GLRA3: variants seen among roughly 807,000 people sequenced by gnomAD.
GLRA3 encodes the protein glycine receptor subunit alpha-3.
In GLRA3, 44 loss-of-function variants were observed where a neutral mutation model predicts 60.4. That is an observed-to-expected ratio of 0.73 (90% CI 0.57 to 0.94). The LOEUF is 0.94. GLRA3 is among the 40% of genes least tolerant of loss of function. The probability of loss-of-function intolerance (pLI) is 0.00; values close to 1 mark genes in which losing one functional copy is unlikely to be tolerated. For missense variants in GLRA3, 508 were observed against 564.6 expected, an observed-to-expected ratio of 0.90 and a Z score of 1.02; for synonymous variants, 223 against 192.9, an observed-to-expected ratio of 1.16 and a Z score of -1.29.
At chr4:174,755,757 T>C (rs1248057382) in intron 3 of GLRA3, among the ~76,000 whole-genome samples, 1 of 152,042 alleles carries the variant, frequency 6.6e-6, no homozygotes, top group African/African-American at 2.4e-5. Flanking sequence ...GAATATACAG[T>C]ATAGTAATTT....
chr4:174,784,926 A>T (rs1739060155), intron 2 of GLRA3, among the ~76,000 whole-genome samples: 1 of 152,112 alleles, frequency 6.6e-6, no homozygotes, highest in African/African-American at 2.4e-5. Flanking sequence ...ACTATTCTGG[A>T]GGGGAAGAGA....
At chr4:174,798,521 G>A (rs996455677) in intron 1 of GLRA3, among the ~76,000 whole-genome samples, 1 of 152,104 alleles carries the variant, frequency 6.6e-6, no homozygotes, top group African/African-American at 2.4e-5. Context: ...AAATCAAAGT[G>A]GCTAAGAAAA....
chr4:174,696,631 A>T (rs1468443809), intron 5 of GLRA3, among the ~76,000 whole-genome samples: 2 of 151,990 alleles, frequency 1.3e-5, no homozygotes, highest in African/African-American at 4.8e-5. Context: ...ATACAAATTT[A>T]TATCCATGAG....
intron 5 of GLRA3, among the ~76,000 whole-genome samples, chr4:174,691,772 C>T (rs1734824945): frequency 2.0e-5 from 3 of 152,154 alleles, no homozygotes; most frequent in East Asian, 1.9e-4. Context: ...CCTGCCTTGG[C>T]CTCCCAAAGT....
intron 1 of GLRA3, among the ~76,000 whole-genome samples, chr4:174,790,594 A>G (rs1181562887): frequency 6.6e-6 from 1 of 151,842 alleles, no homozygotes; most frequent in Non-Finnish European, 1.5e-5. Flanking sequence ...CCTTTCAATT[A>G]TCAGAAAATA....
chr4:174,658,452 C>T (rs905274043), intron 8 of GLRA3, among the ~76,000 whole-genome samples: 37 of 152,118 alleles, frequency 2.4e-4, no homozygotes, highest in African/African-American at 8.4e-4. Context: ...CAACTTCCTA[C>T]GGTGTCTTCA....
intron 3 of GLRA3, among the ~76,000 whole-genome samples, chr4:174,733,948 T>C (rs559422817): frequency 3.3e-4 from 50 of 152,212 alleles, no homozygotes; most frequent in Non-Finnish European, 6.6e-4. Flanking sequence ...GAAACTATTA[T>C]ATCTTTTTGA....
intron 5 of GLRA3, among the ~76,000 whole-genome samples, chr4:174,698,322 G>T (rs574557124): frequency 3.3e-5 from 5 of 152,066 alleles, no homozygotes; most frequent in African/African-American, 4.8e-5. Context: ...GGGACTACAG[G>T]CAGGTGTCAC....
chr4:174,644,109 G>C, intron 9 of GLRA3, 45 bp from the exon 10 acceptor site: 1 of 1,107,996 alleles, frequency 9.0e-7, no homozygotes, highest in Non-Finnish European at 1.3e-6. Context: ...ATACAATAGA[G>C]CATGTATAAC....
chr4:174,675,188 G>A (rs1032076981), intron 7 of GLRA3, among the ~76,000 whole-genome samples: 3 of 152,118 alleles, frequency 2.0e-5, no homozygotes, highest in African/African-American at 7.2e-5. Flanking sequence ...TGATCAGAGA[G>A]ATAGACTTTG....
chr4:174,739,436 G>T (rs540723574), intron 3 of GLRA3, among the ~76,000 whole-genome samples: 1 of 152,148 alleles, frequency 6.6e-6, no homozygotes, highest in African/African-American at 2.4e-5. Flanking sequence ...TTTTTTGTGG[G>T]CTCTGGGTAA....
intron 2 of GLRA3, among the ~76,000 whole-genome samples, chr4:174,773,303 T>C (rs988446937): frequency 3.0e-5 from 4 of 131,182 alleles, no homozygotes; most frequent in African/African-American, 1.1e-4. Flanking sequence ...CAGTAAGTTT[T>C]CGTTTAGATG....
intron 1 of GLRA3, among the ~76,000 whole-genome samples, chr4:174,822,760 A>C (rs1246501923): frequency 6.6e-6 from 1 of 152,218 alleles, no homozygotes; most frequent in Non-Finnish European, 1.5e-5. Context: ...CATCGCTTAC[A>C]TCGGAAATGC....
rs145596157 is a variant in GLRA3 at position 174,647,281 on chromosome 4, G to A, written c.1117-3217C>T. On this transcript the variant is annotated intron_variant, in intron 9 of 9. Coordinates refer to ENST00000274093, the MANE Select transcript of GLRA3 (RefSeq NM_006529.4). ...AAATTAGCCAGGTGTGGTGGTGGGC[G>A]CCTGTGGGCCCAGCTACTCTGGAGG... 7.7e-3 allele frequency among the ~76,000 whole-genome samples: 1,178 copies of A among 152,066 alleles called. 17 individuals are homozygous for A. The highest frequency in any genetic ancestry group is 0.026 in the African/African-American group (1,097 of 41,484).
intron 5 of GLRA3, among the ~76,000 whole-genome samples, chr4:174,700,760 G>T (rs1297702447): frequency 1.3e-5 from 2 of 152,140 alleles, no homozygotes; most frequent in Non-Finnish European, 2.9e-5. Context: ...TGAAGATATG[G>T]AGAAAGTTTG....
At chr4:174,806,684 G>T (rs976437273) in intron 1 of GLRA3, among the ~76,000 whole-genome samples, 2 of 152,022 alleles carry the variant, frequency 1.3e-5, no homozygotes, top group African/African-American at 2.4e-5. Context: ...ATATGGGTAG[G>T]TTATGTGGAA....
intron 2 of GLRA3, among the ~76,000 whole-genome samples, chr4:174,774,801 AG>A (rs1354273585): frequency 6.6e-6 from 1 of 152,206 alleles, no homozygotes; most frequent in Non-Finnish European, 1.5e-5. Context: ...ATTTGAATAA[AG>A]ATCAGCAAAT....
chr4:174,737,255 T>TTA (rs1468733215), intron 3 of GLRA3, among the ~76,000 whole-genome samples: 2 of 152,218 alleles, frequency 1.3e-5, no homozygotes. Context: ...AGATTTTTAG[T>TTA]TATACACACA....
chr4:174,698,899 G>T (rs1735180522), intron 5 of GLRA3, among the ~76,000 whole-genome samples: 1 of 151,876 alleles, frequency 6.6e-6, no homozygotes, highest in Non-Finnish European at 1.5e-5. Context: ...AGCTATTCTG[G>T]ACAGAGACCC....
Sources: gnomAD v4.1 joint callset for allele counts (sites outside exome capture counted in the v4.1 genomes callset) on GRCh38, gnomAD v4.1.1 for gene constraint, MANE v1.5 for transcripts, NCBI Gene and HGNC (gene_info 2026-07-23, HGNC 2026-07-21) for gene names.